Variants in P2RX7 observed in about 807,000 individuals in gnomAD.
P2RX7 encodes purinergic receptor P2X 7.
A neutral mutation model predicts 71.6 loss-of-function variants in P2RX7; 62 were observed. The observed-to-expected ratio is 0.87, with a 90% confidence interval of 0.71 to 1.07. The LOEUF is 1.07. Ranked by LOEUF, P2RX7 falls within the 50% of genes least tolerant of loss-of-function variation. P2RX7 has a pLI of 0.00. For missense variants in P2RX7, 686 were observed against 748.5 expected (o/e 0.92, Z 0.97); for synonymous variants, 299 against 283.3 (o/e 1.06, Z -0.56).
chr12:121,138,330 C>T (rs1240991441), intron 1 of P2RX7, among the ~76,000 whole-genome samples: 1 of 152,260 alleles, frequency 6.6e-6, no homozygotes, highest in African/African-American at 2.4e-5. Context: ...ACATTCTCTT[C>T]TTTTAACAAC....
chr12:121,163,606 T>C (rs891604351), intron 5 of P2RX7, among the ~76,000 whole-genome samples: 1 of 22,224 alleles, frequency 4.5e-5, no homozygotes, highest in Non-Finnish European at 9.4e-5. Flanking sequence ...GGTAGATAGA[T>C]AGATAGATAG....
rs1884873281 is a variant in P2RX7, at chr12:121,186,186, T to C, written c.*1384T>C. ...GCCATCCAAGCCCAGTCACCAAACA[T>C]GAGAGAGAAGAAGCCTTCAGGTGAT... On this transcript the variant is annotated 3_prime_UTR_variant, in exon 13 of 13. Coordinates refer to ENST00000328963, the MANE Select transcript of P2RX7 (RefSeq NM_002562.6). 6.6e-6 allele frequency: 1 copy of C among 152,316 alleles called. No individual in the cohort carries two copies. Among genetic ancestry groups the C allele is most frequent in the East Asian group, 1.9e-4 (1 of 5,166 alleles). 9.4% of individuals were successfully genotyped at this position (152,316 alleles called of 1,614,324 possible). A position where few individuals can be genotyped will look rare whatever the true frequency, so the allele number is the denominator to read the frequency against.
intron 12 of P2RX7, among the ~76,000 whole-genome samples, chr12:121,183,587 AAATACAC>A (rs1359140782): frequency 2.2e-5 from 3 of 136,318 alleles, no homozygotes; most frequent in African/African-American, 5.6e-5. Flanking sequence ...AAAAAACAAC[AAATACAC>A]ACACACACAC....
chr12:121,172,642 A>C (rs1882424428), intron 8 of P2RX7, among the ~76,000 whole-genome samples: 1 of 150,692 alleles, frequency 6.6e-6, no homozygotes, highest in Admixed American at 6.6e-5. Flanking sequence ...AAAAAAACAA[A>C]AACAAACAAC....
In P2RX7 at chr12:121,161,052, G is replaced by A; in HGVS notation, c.436+78G>A. ...GGTGACATTTGTGATGCCCAGGTCA[G>A]GTCTTCAGCCTCTGCTCTCAGCTGC... is the stretch of plus-strand genomic sequence containing the variant. On this transcript the variant is annotated intron_variant, in intron 4 of 12. Transcript: ENST00000328963. 6 of 1,078,708 alleles carry A rather than the reference G, an allele frequency of 5.6e-6. No individual in the cohort carries two copies. In the Admixed American group the frequency reaches 6.7e-5, roughly 12 times the overall value. 66.8% of individuals were successfully genotyped at this position (1,078,708 alleles called of 1,614,324 possible).
intron 8 of P2RX7, 56 bp downstream of exon 8, chr12:121,167,680 C>G: frequency 7.0e-7 from 1 of 1,428,846 alleles, no homozygotes. Context: ...TTCCCAGGAA[C>G]TGGTGAGACT....
Position 121,185,083 on chromosome 12 carries a change from C to CA in P2RX7, c.*293dup, listed in dbSNP as rs375969132. ...CTGGGAGGCACAGCAAACTGTCCCC[C>CA]AAAAAAAAAAAAGAGTCCTTACCAA... On this transcript the variant is annotated 3_prime_UTR_variant, in exon 13 of 13. Coordinates refer to ENST00000328963, the MANE Select transcript of P2RX7 (RefSeq NM_002562.6). 3.1e-4 allele frequency: 66 copies of CA among 211,616 alleles called. No individual in the cohort carries two copies. Among genetic ancestry groups the CA allele is most frequent in the East Asian group, 8.8e-4 (8 of 9,120 alleles). 13.1% of individuals were successfully genotyped at this position (211,616 alleles called of 1,614,324 possible).
intron 8 of P2RX7, among the ~76,000 whole-genome samples, chr12:121,168,742 C>G (rs1347101019): frequency 1.3e-5 from 2 of 152,218 alleles, no homozygotes; most frequent in East Asian, 1.9e-4. Context: ...CACTCCATCC[C>G]TTCCTTCCCA....
rs768053567 is a variant in P2RX7 at position 121,167,494 on chromosome 12, A to G, written c.751A>G (p.Ile251Val). ...TCCCTTGTTGATCCTTCAGGGCGGAATAATGGGCATTGAGATCTACTGGGA... is the reference window on the plus strand; with the variant it reads ...TCCCTTGTTGATCCTTCAGGGCGGAGTAATGGGCATTGAGATCTACTGGGA... ...NFSDVAIQGG[I>V]MGIEIYWDCN... Residue 251 changes from isoleucine to valine, a missense_variant, in exon 8 of 13, where the codon ATA becomes GTA. Ile to Val is a conservative substitution (Grantham distance 29, BLOSUM62 3). Coordinates refer to ENST00000328963, the MANE Select transcript of P2RX7 (RefSeq NM_002562.6). The G allele has an allele frequency of 1.9e-6, 3 of 1,614,080 alleles. No individual in the cohort carries two copies. The highest frequency in any genetic ancestry group is 1.7e-5 in the Admixed American group (1 of 60,006).
chr12:121,136,184 C>T, intron 1 of P2RX7, among the ~76,000 whole-genome samples: 1 of 147,918 alleles, frequency 6.8e-6, no homozygotes, highest in Non-Finnish European at 1.5e-5. Flanking sequence ...ATCACTTAAA[C>T]CAGCTATCAT....
Position 121,185,085 on chromosome 12 carries a change from A to C in P2RX7, c.*283A>C, listed in dbSNP as rs1320368918. 93 of 267,966 alleles carry C rather than the reference A, an allele frequency of 3.5e-4. No homozygotes were observed. Among genetic ancestry groups the C allele is most frequent in the South Asian group, 1.2e-3 (16 of 13,210 alleles). The allele number at this position is 267,966 out of a possible 1,614,324, so 16.6% of individuals were successfully genotyped here. A position where few individuals can be genotyped will look rare whatever the true frequency, so the allele number is the denominator to read the frequency against. On this transcript the variant is annotated 3_prime_UTR_variant, in exon 13 of 13. Coordinates refer to ENST00000328963, the MANE Select transcript of P2RX7 (RefSeq NM_002562.6). ...GGGAGGCACAGCAAACTGTCCCCCAAAAAAAAAAAAGAGTCCTTACCAATA... is the reference window on the plus strand; with the variant it reads ...GGGAGGCACAGCAAACTGTCCCCCACAAAAAAAAAAGAGTCCTTACCAATA...
At chr12:121,166,537 G>A (rs887450972) in intron 7 of P2RX7, among the ~76,000 whole-genome samples, 9 of 152,172 alleles carry the variant, frequency 5.9e-5, no homozygotes, top group Non-Finnish European at 1.0e-4. Context: ...CTTTAAGGGA[G>A]AATCCAGTTC....
chr12:121,162,049 C>T (rs1014568423), intron 4 of P2RX7, among the ~76,000 whole-genome samples: 6 of 152,124 alleles, frequency 3.9e-5, no homozygotes, highest in African/African-American at 1.4e-4. Flanking sequence ...CTTTGCACAT[C>T]CTGGGCAGGC....
intron 1 of P2RX7, among the ~76,000 whole-genome samples, chr12:121,145,609 T>G (rs1413103841): frequency 6.6e-6 from 1 of 151,654 alleles, no homozygotes; most frequent in African/African-American, 2.4e-5. Flanking sequence ...TGGGTTCAAG[T>G]GATTCTCCTG....
At chr12:121,167,847 C>G (rs1881423760) in intron 8 of P2RX7, among the ~76,000 whole-genome samples, 1 of 151,038 alleles carries the variant, frequency 6.6e-6, no homozygotes, top group South Asian at 2.1e-4. Context: ...GAGTCTCACT[C>G]TGTCACCCAG....
chr12:121,180,699 A>C (rs559297063), intron 12 of P2RX7, among the ~76,000 whole-genome samples: 1 of 152,214 alleles, frequency 6.6e-6, no homozygotes, highest in South Asian at 2.1e-4. Context: ...ACGGTGGCTC[A>C]CACCTGCAAT....
chr12:121,181,765 G>A (rs2136166492), intron 12 of P2RX7, among the ~76,000 whole-genome samples: 2 of 152,224 alleles, frequency 1.3e-5, no homozygotes, highest in East Asian at 3.9e-4. Flanking sequence ...GCTGAGGCAG[G>A]AGAATGGCAT....
intron 3 of P2RX7, among the ~76,000 whole-genome samples, chr12:121,156,820 G>A (rs745643989): frequency 1.3e-5 from 2 of 152,090 alleles, no homozygotes; most frequent in Non-Finnish European, 2.9e-5. Flanking sequence ...CCAAAGAGCC[G>A]CCTCTTTCTG....
intron 1 of P2RX7, among the ~76,000 whole-genome samples, chr12:121,135,249 G>A (rs1336515067): frequency 6.6e-6 from 1 of 152,088 alleles, no homozygotes; most frequent in Non-Finnish European, 1.5e-5. Flanking sequence ...TGAGGCAGGA[G>A]AATCGCTTGA....
Sources: gnomAD v4.1 joint callset for allele counts (sites outside exome capture counted in the v4.1 genomes callset) on GRCh38, gnomAD v4.1.1 for gene constraint, MANE v1.5 for transcripts, NCBI Gene and HGNC (gene_info 2026-07-23, HGNC 2026-07-21) for gene names.